Variants in ACSF2 observed in about 807,000 individuals in gnomAD.
ACSF2 encodes the protein acyl-CoA synthetase family member 2, also known as medium-chain acyl-CoA ligase ACSF2, mitochondrial.
A neutral mutation model predicts 79.3 loss-of-function variants in ACSF2; 52 were observed. That is an observed-to-expected ratio of 0.66 (90% CI 0.53 to 0.83). The LOEUF (loss-of-function observed/expected upper bound fraction) is 0.83. Among genes scored for constraint, ACSF2 ranks in the 40% least tolerant of loss-of-function variants. The pLI, the probability that ACSF2 is intolerant of heterozygous loss-of-function variation, is 0.00. For missense variants in ACSF2, 661 were observed against 803.3 expected, an observed-to-expected ratio of 0.82 and a Z score of 2.14; for synonymous variants, 283 against 312.6, an observed-to-expected ratio of 0.91 and a Z score of 1.00.
intron 1 of ACSF2, among the ~76,000 whole-genome samples, chr17:50,442,351 A>T (rs1300707712): frequency 7.0e-6 from 1 of 142,378 alleles, no homozygotes; most frequent in Non-Finnish European, 1.5e-5. Context: ...TTTTGTAGAG[A>T]CTGGGTCTGC....
At position 50,426,231 on chromosome 17, in the gene ACSF2, A is replaced by C; in HGVS notation, c.-31A>C. On this transcript the variant is annotated 5_prime_UTR_variant, in exon 1 of 16. Coordinates refer to ENST00000300441, the MANE Select transcript of ACSF2 (RefSeq NM_025149.6). ...CCGCCCCGGCTCACTTTAAAAGTTT[A>C]CTCGGGCCGGGACGCAGGGCAAAGC... is the stretch of plus-strand genomic sequence containing the variant. 1 of 1,287,866 alleles carries C rather than the reference A, an allele frequency of 7.8e-7. No homozygotes were observed. Among genetic ancestry groups the C allele is most frequent in the South Asian group, 3.0e-5 (1 of 33,370 alleles). 79.8% of individuals were successfully genotyped at this position (1,287,866 alleles called of 1,614,324 possible). A position where few individuals can be genotyped will look rare whatever the true frequency, so the allele number is the denominator to read the frequency against.
rs2032117022 is a variant in ACSF2 at position 50,458,059 on chromosome 17, A to G, written c.129-2618A>G. 2.6e-5 allele frequency among the ~76,000 whole-genome samples: 4 copies of G among 152,202 alleles called. No individual in the cohort carries two copies. In the South Asian group the frequency reaches 8.3e-4, roughly 32 times the overall value. On this transcript the variant is annotated intron_variant, in intron 1 of 15. Transcript: ENST00000300441. ...ATTCCGAAGCAGCTCTCCATGGACC[A>G]CATCTTGAAAAACTGTCACTTGGAG...
At chr17:50,462,628 G>T (rs1239158602) in intron 6 of ACSF2, 43 bp downstream of exon 6, 1 of 1,597,254 alleles carries the variant, frequency 6.3e-7, no homozygotes, top group Non-Finnish European at 8.6e-7. Flanking sequence ...ATGGACACAT[G>T]CCCCCTGTCC....
At chr17:50,468,076 C>T (rs1249053490) in intron 10 of ACSF2, 7 of 1,609,650 alleles carry the variant, frequency 4.3e-6, no homozygotes, top group Non-Finnish European at 5.9e-6. Context: ...AGAGGGTCTC[C>T]AGGTATCTGC....
intron 1 of ACSF2, among the ~76,000 whole-genome samples, chr17:50,432,778 T>C (rs2030044288): frequency 6.6e-6 from 1 of 152,228 alleles, no homozygotes; most frequent in Non-Finnish European, 1.5e-5. Flanking sequence ...CCTAACTTAG[T>C]GTGGCTTTAG....
chr17:50,430,873 C>A (rs950967928), intron 1 of ACSF2, among the ~76,000 whole-genome samples: 7 of 152,162 alleles, frequency 4.6e-5, no homozygotes, highest in African/African-American at 1.7e-4. Context: ...ACTGAAGTCT[C>A]ATGTCTCTCT....
At chr17:50,448,605 G>A (rs1194806013) in intron 1 of ACSF2, among the ~76,000 whole-genome samples, 1 of 152,192 alleles carries the variant, frequency 6.6e-6, no homozygotes, top group Non-Finnish European at 1.5e-5. Flanking sequence ...GTAAACTATG[G>A]GCATATTCAC....
intron 10 of ACSF2, among the ~76,000 whole-genome samples, chr17:50,470,691 G>A (rs1196654237): frequency 6.6e-6 from 1 of 151,968 alleles, no homozygotes; most frequent in Non-Finnish European, 1.5e-5. Context: ...GGGATGGGGG[G>A]AGAAGTGTGG....
intron 1 of ACSF2, among the ~76,000 whole-genome samples, chr17:50,454,656 A>G (rs545145927): frequency 1.3e-5 from 2 of 152,312 alleles, no homozygotes; most frequent in Admixed American, 1.3e-4. Context: ...CCCACTGGCC[A>G]GGACCTCACC....
At chr17:50,469,653 C>T (rs1396055001) in intron 10 of ACSF2, among the ~76,000 whole-genome samples, 2 of 152,232 alleles carry the variant, frequency 1.3e-5, no homozygotes, top group African/African-American at 4.8e-5. Context: ...AGCACAGTCG[C>T]ACCATCCCCC....
In ACSF2 at chr17:50,462,172, C is replaced by T. The variant is rs117733857; in HGVS notation, c.508-12C>T. The T allele has an allele frequency of 2.5e-4, 406 of 1,612,840 alleles. 5 individuals carry two copies. The East Asian group carries it at 7.1e-3, about 28-fold the overall frequency. ...CCCCGCTGACTGGAGGTGGGGGACT[C>T]CCCTTCCACAGGTGGGCTGCAAGGC... On this transcript the variant is annotated splice_polypyrimidine_tract_variant and intron_variant, in intron 4 of 15. Transcript: ENST00000300441.
chr17:50,473,688 A>C lies in ACSF2; in HGVS notation c.1499A>C (p.Gln500Pro). The change falls in exon 13 of 16, where the codon CAG becomes CCG. Residue 500 changes from glutamine (Q) to proline (P), a missense_variant. Coordinates refer to ENST00000300441, the MANE Select transcript of ACSF2 (RefSeq NM_025149.6). ...AGAGATGTCGCCACAATGAATGAGC[A>C]GGGCTTCTGCAAGATCGTGGGCCGC... ...WTGDVATMNE[Q>P]GFCKIVGRSK... 6.2e-7 allele frequency: 1 copy of C among 1,614,228 alleles called. No homozygotes were observed. Among genetic ancestry groups the C allele is most frequent in the Non-Finnish European group, 8.5e-7 (1 of 1,180,046 alleles).
At chr17:50,456,576 T>G (rs1165379067) in intron 1 of ACSF2, among the ~76,000 whole-genome samples, 1 of 150,886 alleles carries the variant, frequency 6.6e-6, no homozygotes, top group Non-Finnish European at 1.5e-5. Context: ...CTACTAAACA[T>G]GCAAAATTAG....
chr17:50,449,082 T>C (rs1450097027), intron 1 of ACSF2, among the ~76,000 whole-genome samples: 1 of 144,906 alleles, frequency 6.9e-6, no homozygotes, highest in Non-Finnish European at 1.5e-5. Flanking sequence ...AGTGGTGCAA[T>C]TTGGGCCTGC....
At chr17:50,466,742 G>C (rs2032754866) in intron 10 of ACSF2, among the ~76,000 whole-genome samples, 2 of 152,218 alleles carry the variant, frequency 1.3e-5, no homozygotes, top group Non-Finnish European at 2.9e-5. Flanking sequence ...AGGTTGGACG[G>C]CTCCAGAGGA....
At chr17:50,428,548 G>T (rs1358045834) in intron 1 of ACSF2, among the ~76,000 whole-genome samples, 1 of 151,844 alleles carries the variant, frequency 6.6e-6, no homozygotes, top group Non-Finnish European at 1.5e-5. Context: ...ACTTTGGGAG[G>T]CTGAGGTGGG....
In ACSF2 at chr17:50,473,704, CG is replaced by C; in HGVS notation, c.1516del (p.Val506TrpfsTer7). 1 of 1,614,204 alleles carries C rather than the reference CG, an allele frequency of 6.2e-7. No homozygotes were observed. On this transcript the variant is annotated frameshift_variant, in exon 13 of 16. Coordinates refer to ENST00000300441, the MANE Select transcript of ACSF2 (RefSeq NM_025149.6). LOFTEE classifies it high-confidence loss of function. The part of the protein sequence containing the change: ...TMNEQGFCKI[V>X]GRSKDMIIRG... Reference sequence around the variant, plus strand: ...TGAATGAGCAGGGCTTCTGCAAGATCGTGGGCCGCTCTAAGGATATGATCAT... The same window carrying C: ...TGAATGAGCAGGGCTTCTGCAAGATCTGGGCCGCTCTAAGGATATGATCAT...
chr17:50,460,340 G>A (rs2032254894), intron 1 of ACSF2: 1 of 478,036 alleles, frequency 2.1e-6, no homozygotes, highest in Non-Finnish European at 4.1e-6. Context: ...GCAGGGGCTA[G>A]GGGTGAAGGC....
In ACSF2 at chr17:50,463,261, C is replaced by T; in HGVS notation, c.888+10C>T. The T allele has an allele frequency of 6.2e-7, 1 of 1,613,928 alleles. No homozygotes were observed. The highest frequency in any genetic ancestry group is 8.5e-7 in the Non-Finnish European group (1 of 1,179,932). On this transcript the variant is annotated intron_variant, in intron 7 of 15. Transcript: ENST00000300441. This position sits in a 1 kb window ranked among gnomAD's most constrained non-coding sequence, Gnocchi z 4.6. The stretch of plus-strand genomic sequence containing the variant: ...GAAACTGCATGAGAAGGTGAGGCGG[C>T]ACTAGGCCCAGGGCAAGGCTGCAGG...
Sources: allele counts gnomAD v4.1 joint callset (sites outside exome capture counted in the v4.1 genomes callset), GRCh38; gene constraint gnomAD v4.1.1; non-coding constraint Gnocchi (gnomAD v3.1); transcripts MANE v1.5; gene names NCBI Gene and HGNC (gene_info 2026-07-23, HGNC 2026-07-21).